The following HCN1 variants were observed in gnomAD, a reference collection of about 807,000 sequenced individuals.
HCN1 encodes the protein hyperpolarization activated cyclic nucleotide gated potassium channel 1.
Under a neutral mutation model 78.9 loss-of-function variants are expected in HCN1, and 13 were observed. That is an observed-to-expected ratio of 0.16 (90% CI 0.11 to 0.26). The LOEUF (loss-of-function observed/expected upper bound fraction) is 0.26. Among genes scored for constraint, HCN1 ranks in the 10% least tolerant of loss-of-function variants. The pLI is 1.00. For missense variants in HCN1, 810 were observed against 1,154.3 expected, an observed-to-expected ratio of 0.70 and a Z score of 4.32; for synonymous variants, 552 against 455.5, an observed-to-expected ratio of 1.21 and a Z score of -2.70.
chr5:45,669,030 A>G (rs950545551), intron 1 of HCN1, among the ~76,000 whole-genome samples: 1 of 151,818 alleles, frequency 6.6e-6, no homozygotes, highest in Non-Finnish European at 1.5e-5. Context: ...TAGATCTTAA[A>G]ATCTTGAGAA....
At chr5:45,323,202 T>C (rs149037351) in intron 5 of HCN1, among the ~76,000 whole-genome samples, 200 of 151,956 alleles carry the variant, frequency 1.3e-3, no homozygotes, top group African/African-American at 4.8e-3. Flanking sequence ...GTGATGCAAG[T>C]ATTAAAATAT....
chr5:45,621,321 TC>T (rs11310911), intron 2 of HCN1, among the ~76,000 whole-genome samples: 56,682 of 150,016 alleles, frequency 0.38, 11,265 homozygotes, highest in African/African-American at 0.52. Flanking sequence ...GTTCCACCTT[TC>T]TTTTTTTTTT....
intron 3 of HCN1, among the ~76,000 whole-genome samples, chr5:45,427,238 G>T (rs1168429252): frequency 6.6e-6 from 1 of 151,636 alleles, no homozygotes; most frequent in Non-Finnish European, 1.5e-5. Context: ...GATACCAAGG[G>T]CTGAATACAT....
intron 5 of HCN1, among the ~76,000 whole-genome samples, chr5:45,306,560 A>G (rs1745737516): frequency 6.6e-6 from 1 of 152,138 alleles, no homozygotes; most frequent in African/African-American, 2.4e-5. Flanking sequence ...TGGTAATGAG[A>G]CAGAATCTTC....
At chr5:45,593,552 C>T (rs1165058957) in intron 2 of HCN1, among the ~76,000 whole-genome samples, 1 of 152,010 alleles carries the variant, frequency 6.6e-6, no homozygotes, top group East Asian at 1.9e-4. Context: ...CAAGGAACCT[C>T]ATTTAACCTT....
chr5:45,274,972 T>C (rs1231425247), intron 6 of HCN1, among the ~76,000 whole-genome samples: 1 of 152,210 alleles, frequency 6.6e-6, no homozygotes, highest in Non-Finnish European at 1.5e-5. Flanking sequence ...AACATTGTCA[T>C]ATATTATTTG....
At chr5:45,346,288 A>C (rs566170129) in intron 5 of HCN1, among the ~76,000 whole-genome samples, 48 of 152,344 alleles carry the variant, frequency 3.2e-4, no homozygotes, top group African/African-American at 1.1e-3. Flanking sequence ...AGACCAAACC[A>C]TAATTCATTG....
intron 3 of HCN1, among the ~76,000 whole-genome samples, chr5:45,445,101 T>C (rs1740760390): frequency 6.6e-6 from 1 of 152,152 alleles, no homozygotes. Flanking sequence ...ACTTGGGAAG[T>C]GCAAGGGGTC....
chr5:45,535,333 C>G (rs1467854468), intron 2 of HCN1, among the ~76,000 whole-genome samples: 1 of 152,140 alleles, frequency 6.6e-6, no homozygotes. Flanking sequence ...CATGGTGGCT[C>G]ACACCTGTAA....
chr5:45,661,139 G>C (rs1745927797), intron 1 of HCN1, among the ~76,000 whole-genome samples: 1 of 147,662 alleles, frequency 6.8e-6, no homozygotes, highest in Non-Finnish European at 1.5e-5. Context: ...TAGAACTCAG[G>C]ATTAAGAATC....
intron 2 of HCN1, among the ~76,000 whole-genome samples, chr5:45,476,642 G>C (rs1163226900): frequency 6.6e-6 from 1 of 151,960 alleles, no homozygotes; most frequent in Non-Finnish European, 1.5e-5. Context: ...AGCTTCCTTT[G>C]TTTTATTTTA....
chr5:45,505,044 G>A (rs1742270098), intron 2 of HCN1, among the ~76,000 whole-genome samples: 1 of 152,132 alleles, frequency 6.6e-6, no homozygotes, highest in Non-Finnish European at 1.5e-5. Context: ...CTCCCATTCT[G>A]TAGGTTGCCT....
chr5:45,493,690 G>A (rs930612370), intron 2 of HCN1, among the ~76,000 whole-genome samples: 7 of 151,102 alleles, frequency 4.6e-5, no homozygotes, highest in African/African-American at 7.3e-5. Flanking sequence ...ATGCTGGTGC[G>A]CTGCACCCAC....
At chr5:45,626,116 G>C (rs1479170639) in intron 2 of HCN1, among the ~76,000 whole-genome samples, 1 of 152,172 alleles carries the variant, frequency 6.6e-6, no homozygotes, top group South Asian at 2.1e-4. Flanking sequence ...CACTTCTCAT[G>C]ATGACAAAGC....
chr5:45,515,188 A>T (rs1264603311), intron 2 of HCN1, among the ~76,000 whole-genome samples: 1 of 151,952 alleles, frequency 6.6e-6, no homozygotes, highest in African/African-American at 2.4e-5. Flanking sequence ...CTACACTTCT[A>T]CATCAGATTC....
chr5:45,394,801 G>A (rs1021881677), intron 4 of HCN1, among the ~76,000 whole-genome samples: 4 of 151,750 alleles, frequency 2.6e-5, no homozygotes, highest in Non-Finnish European at 5.9e-5. Flanking sequence ...GGGTGACAGA[G>A]ACTCCATTTC....
chr5:45,578,870 T>C (rs1012605779), intron 2 of HCN1, among the ~76,000 whole-genome samples: 2 of 151,982 alleles, frequency 1.3e-5, no homozygotes, highest in African/African-American at 4.8e-5. Flanking sequence ...TGAGGAAATA[T>C]ATGCAAAAAT....
At chr5:45,642,927 G>T (rs1745482464) in intron 2 of HCN1, 1 of 152,060 alleles carries the variant, frequency 6.6e-6, no homozygotes, top group African/African-American at 2.4e-5. Context: ...TTATATGGGG[G>T]TATCATATAA....
intron 5 of HCN1, among the ~76,000 whole-genome samples, chr5:45,332,489 C>T (rs1207571461): frequency 6.6e-6 from 1 of 150,896 alleles, no homozygotes; most frequent in African/African-American, 2.4e-5. Context: ...CCCAACTAAA[C>T]TTCTCAGCCT....
Sources: allele counts gnomAD v4.1 joint callset (sites outside exome capture counted in the v4.1 genomes callset), GRCh38; gene constraint gnomAD v4.1.1; transcripts MANE v1.5; gene names NCBI Gene and HGNC (gene_info 2026-07-23, HGNC 2026-07-21).